NOS3: variants seen among roughly 807,000 people sequenced by gnomAD.
NOS3 encodes the protein NOS type III.
NOS3 carries 98 observed loss-of-function variants against 144.9 expected under a neutral mutation model. The ratio of observed to expected loss-of-function variants is 0.68; its 90% CI spans 0.57 to 0.80. The LOEUF (loss-of-function observed/expected upper bound fraction) is 0.80, where lower values mean the gene tolerates loss of function less well. NOS3 is among the 30% of genes least tolerant of loss of function. The pLI is 0.00. For synonymous variants in NOS3, 714 were observed against 702.4 expected (o/e 1.02, Z -0.26); for missense variants, 1,465 against 1,656.4 (o/e 0.88, Z 2.01).
rs1442784530 is a variant in NOS3 at position 150,996,920 on chromosome 7, C to A, written c.577C>A (p.Leu193Met). ...RCVGRIQWGK[L>M]QVFDARDCRS... ...CGTGGGCCGGATCCAGTGGGGGAAG[C>A]TGCAGGTGCGGCTGGCCAGCGACTG... The change falls in exon 5 of 27, where the codon CTG becomes ATG. Residue 193 changes from leucine to methionine, a missense_variant. Coordinates refer to ENST00000297494, the MANE Select transcript of NOS3 (RefSeq NM_000603.5). 6.4e-7 allele frequency: 1 copy of A among 1,568,332 alleles called. No individual in the cohort carries two copies. The highest frequency in any genetic ancestry group is 8.6e-7 in the Non-Finnish European group (1 of 1,157,656).
In NOS3 at chr7:151,003,168, C is replaced by T. The variant is rs1477864412; in HGVS notation, c.1752+864C>T. On this transcript the variant is annotated intron_variant, in intron 14 of 26. Coordinates refer to ENST00000297494, the MANE Select transcript of NOS3 (RefSeq NM_000603.5). The surrounding 1 kb of genome is among the most constrained non-coding windows in gnomAD (Gnocchi z 4.1). ...TGAGACAGGGTCTCACTTTGTGGCC[C>T]AGGCTGGAGTGCAGTAGTACAATCA... 7 of 453,274 alleles carry T rather than the reference C, an allele frequency of 1.5e-5. No homozygotes were observed. Among genetic ancestry groups the T allele is most frequent in the Non-Finnish European group, 3.1e-5 (7 of 226,630 alleles). The allele number at this position is 453,274 out of a possible 1,614,324, so 28.1% of individuals were successfully genotyped here.
At chr7:151,012,068 A>G in intron 23 of NOS3, 1 of 392,106 alleles carries the variant, frequency 2.6e-6, no homozygotes, top group Non-Finnish European at 4.7e-6. Flanking sequence ...TGAACCCATT[A>G]TGAACTGAAA....
intron 2 of NOS3, 99 bp from the exon 3 acceptor site, chr7:150,995,104 T>G: frequency 2.2e-5 from 14 of 630,350 alleles, no homozygotes; most frequent in Non-Finnish European, 3.6e-5. Context: ...AGGTGGGCTG[T>G]GAGATCGCCA....
intron 14 of NOS3, among the ~76,000 whole-genome samples, chr7:151,004,506 A>G (rs1231893840): frequency 1.3e-5 from 2 of 152,246 alleles, no homozygotes; most frequent in Non-Finnish European, 2.9e-5. Context: ...AGGAATATTT[A>G]TAGCAAATTT....
rs1314305899 is a variant in NOS3 at position 151,003,224 on chromosome 7, C to T, written c.1752+920C>T. ...CACTGCAGCCTCAACCTCCTAGACT[C>T]AAGCAATCCTCCCACTTCAACCTCC... On this transcript the variant is annotated intron_variant, in intron 14 of 26. Transcript: ENST00000297494. This position sits in a 1 kb window ranked among gnomAD's most constrained non-coding sequence, Gnocchi z 4.1. The T allele has an allele frequency of 1.1e-5, 5 of 452,756 alleles. No homozygotes were observed. Among genetic ancestry groups the T allele is most frequent in the Non-Finnish European group, 2.2e-5 (5 of 226,168 alleles). 28.0% of individuals were successfully genotyped at this position (452,756 alleles called of 1,614,324 possible). A position where few individuals can be genotyped will look rare whatever the true frequency, so the allele number is the denominator to read the frequency against.
chr7:151,001,127 G>A (rs1795082858), intron 10 of NOS3, 104 bp from the exon 11 acceptor site: 8 of 1,109,998 alleles, frequency 7.2e-6, no homozygotes, highest in South Asian at 5.4e-5. Context: ...TAGATATGGG[G>A]TAATCGAGGG....
Position 151,010,128 on chromosome 7 carries a change from C to T in NOS3, c.2526C>T (p.Pro842=), listed in dbSNP as rs765979092. 34 of 1,602,258 alleles carry T rather than the reference C, an allele frequency of 2.1e-5. No individual in the cohort carries two copies. Among genetic ancestry groups the T allele is most frequent in the Non-Finnish European group, 2.7e-5 (32 of 1,173,322 alleles). The change falls in exon 21 of 27, where the codon CCC becomes CCT. Residue 842 remains proline (P), a synonymous_variant. Coordinates refer to ENST00000297494, the MANE Select transcript of NOS3 (RefSeq NM_000603.5). ...LEKGSPGGPP[P]GWVRDPRLPP... ...CACTATCCCCAGGTGGCCCTCCCCC[C>T]GGCTGGGTGCGGGACCCCCGGCTGC...
rs777749928 is a variant in NOS3 at position 150,998,370 on chromosome 7, G to A, written c.596G>A (p.Arg199Gln). ...QWGKLQVFDA[R>Q]DCRSAQEMFT... ...CGGCTGGCTCAGGTGTTCGATGCCC[G>A]GGACTGCAGGTCTGCACAGGAAATG... Residue 199 changes from arginine to glutamine, a missense_variant, in exon 6 of 27, where the codon CGG becomes CAG. By Grantham distance (43) the Arg-to-Gln change is conservative (BLOSUM62 1). Around this residue, in one of 5 missense-constraint regions of NOS3, gnomAD observed 374 missense variants for 377.0 expected, o/e 0.99. Transcript: ENST00000297494. This position sits in a 1 kb window ranked among gnomAD's most constrained non-coding sequence, Gnocchi z 5.0. 32 of 1,611,806 alleles carry A rather than the reference G, an allele frequency of 2.0e-5. No homozygotes were observed. The highest frequency in any genetic ancestry group is 1.3e-4 in the Admixed American group (8 of 59,890).
At position 150,998,200 on chromosome 7, in the gene NOS3, A is replaced by G. The variant is rs1199240863; in HGVS notation, c.583-157A>G. Among the ~76,000 whole-genome samples, 2 of 152,162 alleles carry G rather than the reference A, an allele frequency of 1.3e-5. No individual in the cohort carries two copies. Among genetic ancestry groups the G allele is most frequent in the Non-Finnish European group, 2.9e-5 (2 of 68,010 alleles). On this transcript the variant is annotated intron_variant, in intron 5 of 26. Transcript: ENST00000297494. The surrounding 1 kb of genome is among the most constrained non-coding windows in gnomAD (Gnocchi z 5.0). ...GATGGTGCTACATATGTCAGAGAGC[A>G]GGGCAGGAAGGGATCAGTGTGGCTG...
At chr7:150,992,748 G>A (rs537875224) in intron 1 of NOS3, among the ~76,000 whole-genome samples, 13 of 152,186 alleles carry the variant, frequency 8.5e-5, no homozygotes, top group East Asian at 5.8e-4. Context: ...CTCAGCTTCC[G>A]TTTCTTTCTT....
At chr7:151,010,468 A>C in intron 21 of NOS3, 129 bp from the exon 22 acceptor site, 7 of 1,127,992 alleles carry the variant, frequency 6.2e-6, no homozygotes, top group Non-Finnish European at 8.7e-6. Flanking sequence ...TCCAGGTCTT[A>C]GAGAAAACTC....
intron 14 of NOS3, among the ~76,000 whole-genome samples, chr7:151,004,927 G>A (rs971613870): frequency 2.8e-4 from 42 of 152,068 alleles, no homozygotes; most frequent in Admixed American, 1.7e-3. Context: ...GCGTGATCTC[G>A]GCTCACTGCA....
At chr7:150,994,534 A>T (rs73167644) in intron 2 of NOS3, among the ~76,000 whole-genome samples, 5 of 152,172 alleles carry the variant, frequency 3.3e-5, no homozygotes, top group Non-Finnish European at 7.4e-5. Flanking sequence ...GTCACCCGAA[A>T]ACTGGACCAT....
intron 14 of NOS3, chr7:151,004,062 C>T (rs1174780922): frequency 2.8e-5 from 6 of 217,990 alleles, no homozygotes; most frequent in African/African-American, 7.1e-5. Flanking sequence ...CCAGGCCAGG[C>T]GCGGTGGCTC....
At position 150,998,510 on chromosome 7, in the gene NOS3, C is replaced by T. The variant is rs779921058; in HGVS notation, c.675-29C>T. The stretch of plus-strand genomic sequence containing the variant: ...TCCCCAAGGCAGGGAAGGCGGGGCT[C>T]TGACCAGCTCTTTCCCCATGCGTGC... On this transcript the variant is annotated intron_variant, in intron 6 of 26. Transcript: ENST00000297494. The surrounding 1 kb of genome is among the most constrained non-coding windows in gnomAD (Gnocchi z 5.0). 25 of 1,610,972 alleles carry T rather than the reference C, an allele frequency of 1.6e-5. No individual in the cohort carries two copies. The highest frequency in any genetic ancestry group is 2.0e-5 in the Non-Finnish European group (24 of 1,179,236).
Position 151,014,003 on chromosome 7 carries a change from G to T in NOS3, c.3451-5G>T. 1.2e-6 allele frequency: 2 copies of T among 1,611,842 alleles called. No individual in the cohort carries two copies. On this transcript the variant is annotated splice_polypyrimidine_tract_variant and splice_region_variant and intron_variant, in intron 26 of 26. Coordinates refer to ENST00000297494, the MANE Select transcript of NOS3 (RefSeq NM_000603.5). ...GTTCTGATCCACTGTGCTCTTTTCC[G>T]ACAGGATCAGCAACGCTACCACGAA...
Position 150,999,235 on chromosome 7 carries a change from G to A in NOS3, c.1002G>A (p.Pro334=), listed in dbSNP as rs753573625. 27 of 1,611,730 alleles carry A rather than the reference G, an allele frequency of 1.7e-5. No homozygotes were observed. The highest frequency in any genetic ancestry group is 3.3e-5 in the Admixed American group (2 of 59,862). The change falls in exon 9 of 27, where the codon CCG becomes CCA. Residue 334 remains proline, a synonymous_variant. Transcript: ENST00000297494. The part of the protein sequence containing the change: ...AALGLRWYAL[P]AVSNMLLEIG... ...TGGGCCTGCGCTGGTACGCCCTCCC[G>A]GCAGTGTCCAACATGCTGCTGGAAA... is the stretch of plus-strand genomic sequence containing the variant.
intron 14 of NOS3, among the ~76,000 whole-genome samples, chr7:151,005,156 G>A (rs971645171): frequency 1.3e-5 from 2 of 152,156 alleles, no homozygotes; most frequent in Non-Finnish European, 2.9e-5. Flanking sequence ...AATGTTTCTC[G>A]ATGGGATGCT....
chr7:151,008,895 G>T, intron 17 of NOS3, 35 bp from the exon 18 acceptor site: 1 of 1,571,564 alleles, frequency 6.4e-7, no homozygotes, highest in Non-Finnish European at 8.6e-7. Context: ...CCCTGGTGGC[G>T]GGAGGTCCTC....
Sources: allele counts gnomAD v4.1 joint callset (sites outside exome capture counted in the v4.1 genomes callset), GRCh38; gene constraint gnomAD v4.1.1; regional missense constraint gnomAD v4.1.1; non-coding constraint Gnocchi (gnomAD v3.1); transcripts MANE v1.5; gene names NCBI Gene and HGNC (gene_info 2026-07-23, HGNC 2026-07-21).